Variants in L1CAM observed in about 807,000 individuals in gnomAD.
L1CAM encodes neural cell adhesion molecule L1.
L1CAM carries 8 observed loss-of-function variants against 93.0 expected under a neutral mutation model. The ratio of observed to expected loss-of-function variants is 0.09; its 90% CI spans 0.05 to 0.16. The LOEUF is 0.16. L1CAM is among the 10% of genes least tolerant of loss of function. The probability of loss-of-function intolerance (pLI) is 1.00; values close to 1 mark genes in which losing one functional copy is unlikely to be tolerated. For missense variants in L1CAM, 777 were observed against 1,073.4 expected (o/e 0.72, Z 3.86); for synonymous variants, 453 against 453.0 (o/e 1.00, Z 0.00).
intron 1 of L1CAM, chrX:153,876,539 C>A (rs1469532752): frequency 1.7e-5 from 2 of 118,220 alleles, no homozygotes; most frequent in Non-Finnish European, 3.5e-5. Context: ...GAGAAGAATT[C>A]TTCTTGCAGT....
rs1174389864 is a variant in L1CAM at position 153,882,794 on chromosome X, G to A, written c.-109+3271C>T. ...GGGTGTAAGGGCCAGAGATGAGCAG[G>A]AGCTGCTGACTGACAGTGGCTGGGC... is the stretch of plus-strand genomic sequence containing the variant. On this transcript the variant is annotated intron_variant, in intron 1 of 28. Transcript: ENST00000370060. 2.7e-5 allele frequency among the ~76,000 whole-genome samples: 3 copies of A among 111,928 alleles called. No individual in the cohort carries two copies. The East Asian group carries it at 8.5e-4, about 32-fold the overall frequency.
At chrX:153,883,581 C>T (rs782767167) in intron 1 of L1CAM, 5 of 265,243 alleles carry the variant, frequency 1.9e-5, no homozygotes, top group African/African-American at 1.4e-4. Context: ...ATTGCAGGGG[C>T]AGAGGACAGG....
chrX:153,876,275 T>G, intron 1 of L1CAM: 1 of 318,886 alleles, frequency 3.1e-6, no homozygotes, highest in Non-Finnish European at 5.6e-6. Context: ...TCCCCGTATG[T>G]GTCTGCATGT....
rs782505398 is a variant in L1CAM, at chrX:153,865,332, C to T, written c.2716G>A (p.Ala906Thr). The T allele has an allele frequency of 4.0e-5, 48 of 1,208,989 alleles. No individual in the cohort carries two copies. The East Asian group carries it at 5.6e-4, about 14-fold the overall frequency. ...GGGGTGCTGAAGGTGAACTCGCTGG[C>T]GGGCCCCGATCCTCGCCCGTTAAAG... ...QAFNGRGSGP[A>T]SEFTFSTPEG... The change falls in exon 21 of 29, where the codon GCC becomes ACC. Residue 906 changes from alanine to threonine, a missense_variant. Transcript: ENST00000370060.
intron 1 of L1CAM, among the ~76,000 whole-genome samples, chrX:153,877,936 C>A (rs1427566237): frequency 8.9e-6 from 1 of 112,300 alleles, no homozygotes; most frequent in Non-Finnish European, 1.9e-5. Context: ...CAAGCCACAC[C>A]GGCCATGTCC....
chrX:153,885,513 G>T, intron 1 of L1CAM: 1 of 685,055 alleles, frequency 1.5e-6, no homozygotes, highest in South Asian at 2.4e-5. Context: ...TTGGGGCGGA[G>T]GGGCAGGCAG....
In L1CAM at chrX:153,869,506, G is replaced by A. The variant is rs1557092236; in HGVS notation, c.1267+14C>T. The A allele has an allele frequency of 1.7e-6, 2 of 1,210,580 alleles. No individual in the cohort carries two copies. Among genetic ancestry groups the A allele is most frequent in the Middle Eastern group, 2.3e-4 (1 of 4,336 alleles). ...AGACTGGGAGTTAGGAGGTAAGGAA[G>A]GGAGGGCACTCACGGACAACGTAGA... On this transcript the variant is annotated intron_variant, in intron 11 of 28. Coordinates refer to ENST00000370060, the MANE Select transcript of L1CAM (RefSeq NM_001278116.2).
intron 1 of L1CAM, among the ~76,000 whole-genome samples, chrX:153,884,935 G>T (rs917045685): frequency 8.8e-6 from 1 of 113,121 alleles, no homozygotes; most frequent in Non-Finnish European, 1.9e-5. Flanking sequence ...TGCCCTCAGG[G>T]TGGGGTTAAC....
At chrX:153,885,221 G>A in intron 1 of L1CAM, 3 of 310,536 alleles carry the variant, frequency 9.7e-6, no homozygotes, top group South Asian at 6.1e-5. Context: ...GACCTGCAGT[G>A]CGCAGGGACC....
chrX:153,869,954 C>CGCCCTGAGCCCGCAGCCAGCA lies in L1CAM; in HGVS notation c.992-41_992-21dup. The stretch of plus-strand genomic sequence containing the variant: ...GGGCAGCTGGGAGGAAGGGGAGAGC[C>CGCCCTGAGCCCGCAGCCAGCA]GCCCTGAGCCCGCAGCCAGCAGCTG... On this transcript the variant is annotated intron_variant, in intron 9 of 28. Coordinates refer to ENST00000370060, the MANE Select transcript of L1CAM (RefSeq NM_001278116.2). The CGCCCTGAGCCCGCAGCCAGCA allele has an allele frequency of 8.3e-7, 1 of 1,208,968 alleles. No homozygotes were observed. Among genetic ancestry groups the CGCCCTGAGCCCGCAGCCAGCA allele is most frequent in the African/African-American group, 1.7e-5 (1 of 57,827 alleles).
At chrX:153,885,614 A>G (rs1408723574) in intron 1 of L1CAM, among the ~76,000 whole-genome samples, 3 of 111,275 alleles carry the variant, frequency 2.7e-5, no homozygotes, top group Non-Finnish European at 5.7e-5. Flanking sequence ...ATTTTCAACC[A>G]AACTGAGCTC....
chrX:153,872,027 G>C (rs1048440961), intron 5 of L1CAM, 125 bp downstream of exon 5: 1 of 540,814 alleles, frequency 1.8e-6, no homozygotes, highest in Non-Finnish European at 3.2e-6. Context: ...AGCTGGGGTG[G>C]GGTGGAGGGC....
chrX:153,864,054 A>G, intron 25 of L1CAM, 37 bp from the exon 26 acceptor site: 4 of 1,210,138 alleles, frequency 3.3e-6, no homozygotes, highest in Non-Finnish European at 4.5e-6. Flanking sequence ...GCTGCCGCCC[A>G]AGCCAGAACC....
intron 25 of L1CAM, 95 bp from the exon 26 acceptor site, chrX:153,864,112 G>A: frequency 8.7e-7 from 1 of 1,144,417 alleles, no homozygotes. Context: ...CCCTCTGGGG[G>A]GCTAAGGAGT....
chrX:153,869,891 C>G lies in L1CAM; in HGVS notation c.1035G>C (p.Gly345=). 2 of 1,210,034 alleles carry G rather than the reference C, an allele frequency of 1.7e-6. No individual in the cohort carries two copies. Among genetic ancestry groups the G allele is most frequent in the Non-Finnish European group, 2.2e-6 (2 of 894,789 alleles). ...WLHKPQSHLY[G]PGETARLDCQ... The stretch of plus-strand genomic sequence containing the variant: ...AGTCCAGGCGGGCAGTCTCTCCTGG[C>G]CCATATAGATGGCTCTGGGGCTTGT... Residue 345 remains glycine, a synonymous_variant, in exon 10 of 29, where the codon GGG becomes GGC. Coordinates refer to ENST00000370060, the MANE Select transcript of L1CAM (RefSeq NM_001278116.2).
chrX:153,862,146 G>A lies in L1CAM; in HGVS notation c.*517C>T, dbSNP rs1603273213. 1 of 118,219 alleles carries A rather than the reference G, an allele frequency of 8.5e-6. No homozygotes were observed. The highest frequency in any genetic ancestry group is 2.6e-4 in the East Asian group (1 of 3,812). The allele number at this position is 118,219 out of a possible 1,213,427, so 9.7% of individuals were successfully genotyped here. A position where few individuals can be genotyped will look rare whatever the true frequency, so the allele number is the denominator to read the frequency against. On this transcript the variant is annotated 3_prime_UTR_variant, in exon 29 of 29. Coordinates refer to ENST00000370060, the MANE Select transcript of L1CAM (RefSeq NM_001278116.2). ...CTGGGCTCTCCAGATGGCCTCCCCTGCCCCCGCGGCCAGTTTGCCCGGCTC... is the reference window on the plus strand; with the variant it reads ...CTGGGCTCTCCAGATGGCCTCCCCTACCCCCGCGGCCAGTTTGCCCGGCTC...
chrX:153,870,068 C>T lies in L1CAM; in HGVS notation c.979G>A (p.Val327Ile). ...SLGSARHAYY[V>I]TVEAAPYWLH... Reference sequence around the variant, plus strand: ...AGGAGGTCCATACCCTCCACGGTGACATAGTACGCATGCCGGGCACTGCCC... The same window carrying T: ...AGGAGGTCCATACCCTCCACGGTGATATAGTACGCATGCCGGGCACTGCCC... Residue 327 changes from valine to isoleucine, a missense_variant, in exon 9 of 29, where the codon GTC (valine) becomes ATC (isoleucine). Val to Ile is a conservative substitution (Grantham distance 29). Transcript: ENST00000370060. 8.3e-7 allele frequency: 1 copy of T among 1,211,784 alleles called. No homozygotes were observed. The highest frequency in any genetic ancestry group is 1.1e-6 in the Non-Finnish European group (1 of 895,477).
intron 1 of L1CAM, among the ~76,000 whole-genome samples, chrX:153,879,596 G>A (rs1256550160): frequency 7.1e-5 from 8 of 112,344 alleles, no homozygotes; most frequent in African/African-American, 2.3e-4. Flanking sequence ...ACAGACAGAG[G>A]GTGGAGCAGC....
intron 1 of L1CAM, chrX:153,880,332 G>C (rs6655266): frequency 0.057 from 10,583 of 184,200 alleles, 433 homozygotes; most frequent in African/African-American, 0.17. Context: ...CTGCACACCT[G>C]CCTGTCAGTT....
Sources: allele counts gnomAD v4.1 joint callset (sites outside exome capture counted in the v4.1 genomes callset), GRCh38; gene constraint gnomAD v4.1.1; transcripts MANE v1.5; gene names NCBI Gene and HGNC (gene_info 2026-07-23, HGNC 2026-07-21).